ANKRD11: variants seen among roughly 807,000 people sequenced by gnomAD.
The protein encoded by ANKRD11 is ankyrin repeat domain 11.
ANKRD11 carries 17 observed loss-of-function variants against 195.7 expected under a neutral mutation model. The ratio of observed to expected loss-of-function variants is 0.09; its 90% CI spans 0.06 to 0.13. The LOEUF (loss-of-function observed/expected upper bound fraction) is 0.13. ANKRD11 is among the 10% of genes least tolerant of loss of function. The pLI is 1.00. For missense variants in ANKRD11, 3,735 were observed against 3,566.1 expected (o/e 1.05, Z -1.21); for synonymous variants, 1,953 against 1,528.1 (o/e 1.28, Z -6.49).
chr16:89,279,046 G>GT lies in ANKRD11; in HGVS notation c.7470+25dup. On this transcript the variant is annotated intron_variant, in intron 9 of 12. Coordinates refer to ENST00000301030, the MANE Select transcript of ANKRD11 (RefSeq NM_013275.6). This position sits in a 1 kb window ranked among gnomAD's most constrained non-coding sequence, Gnocchi z 5.6. ...AGACGCATCCCAGAGAGAGAAGGCA[G>GT]TGGCTCTCCCGGGCCCCGCACTCAC... The GT allele has an allele frequency of 6.2e-7, 1 of 1,613,098 alleles. No individual in the cohort carries two copies. The highest frequency in any genetic ancestry group is 1.1e-5 in the South Asian group (1 of 90,942).
chr16:89,292,362 G>A (rs2035117203), intron 4 of ANKRD11, among the ~76,000 whole-genome samples: 1 of 152,166 alleles, frequency 6.6e-6, no homozygotes, highest in Admixed American at 6.6e-5. Flanking sequence ...AACACAGAAC[G>A]GTCTTAACTA....
intron 1 of ANKRD11, among the ~76,000 whole-genome samples, chr16:89,473,609 G>C (rs551284075): frequency 9.8e-5 from 15 of 152,372 alleles, no homozygotes; most frequent in African/African-American, 3.6e-4. Context: ...AAATGGAGGA[G>C]AGAGAAGAGA....
chr16:89,319,512 G>C (rs1323314102), intron 2 of ANKRD11, among the ~76,000 whole-genome samples: 1 of 152,228 alleles, frequency 6.6e-6, no homozygotes, highest in South Asian at 2.1e-4. Context: ...CACGATGACA[G>C]CTAAGACCAT....
chr16:89,469,081 A>T (rs567271330), intron 1 of ANKRD11, among the ~76,000 whole-genome samples: 2 of 152,046 alleles, frequency 1.3e-5, no homozygotes, highest in African/African-American at 4.8e-5. Flanking sequence ...AAAAGTGGAC[A>T]CTTTTCAATT....
intron 1 of ANKRD11, among the ~76,000 whole-genome samples, chr16:89,468,878 T>G (rs985381483): frequency 1.3e-5 from 2 of 152,192 alleles, no homozygotes; most frequent in African/African-American, 4.8e-5. Flanking sequence ...TGTCACCAAG[T>G]GGGTTTAACC....
intron 1 of ANKRD11, among the ~76,000 whole-genome samples, chr16:89,436,637 T>C (rs951090225): frequency 2.0e-5 from 3 of 152,212 alleles, no homozygotes; most frequent in African/African-American, 4.8e-5. Context: ...AGAGCTCTTC[T>C]TCCTGGAATA....
At chr16:89,438,189 G>A (rs1429719734) in intron 1 of ANKRD11, among the ~76,000 whole-genome samples, 2 of 152,176 alleles carry the variant, frequency 1.3e-5, no homozygotes, top group Non-Finnish European at 2.9e-5. Flanking sequence ...TGAAGACTAG[G>A]AACAGCTGGC....
At chr16:89,407,454 T>C (rs984560302) in intron 2 of ANKRD11, among the ~76,000 whole-genome samples, 32 of 152,072 alleles carry the variant, frequency 2.1e-4, no homozygotes, top group African/African-American at 6.0e-4. Flanking sequence ...GCAGGGCCCC[T>C]GCCCCAAGCC....
rs2151732691 is a variant in ANKRD11, at chr16:89,279,669, C to G, written c.6873G>C (p.Glu2291Asp). 2 of 1,460,582 alleles carry G rather than the reference C, an allele frequency of 1.4e-6. No homozygotes were observed. The highest frequency in any genetic ancestry group is 1.8e-6 in the Non-Finnish European group (2 of 1,109,952). The allele number at this position is 1,460,582 out of a possible 1,614,324, so 90.5% of individuals were successfully genotyped here. A position where few individuals can be genotyped will look rare whatever the true frequency, so the allele number is the denominator to read the frequency against. ...QAQAADGAGP[E>D]DDTEASRAAA... ...CGGCACGGGAGGCCTCAGTGTCGTC[C>G]TCGGGGCCGGCACCGTCTGCGGCCT... The change falls in exon 9 of 13, where the codon GAG (glutamate) becomes GAC (aspartate). Residue 2291 changes from glutamate (E) to aspartate (D), a missense_variant. Glu to Asp is a conservative substitution (Grantham distance 45, BLOSUM62 2). Coordinates refer to ENST00000301030, the MANE Select transcript of ANKRD11 (RefSeq NM_013275.6). The surrounding 1 kb of genome is among the most constrained non-coding windows in gnomAD (Gnocchi z 5.6).
chr16:89,471,423 A>G (rs2057080436), intron 1 of ANKRD11, among the ~76,000 whole-genome samples: 1 of 152,122 alleles, frequency 6.6e-6, no homozygotes, highest in Non-Finnish European at 1.5e-5. Context: ...GTCCACAGGA[A>G]GTGATTCTCT....
At chr16:89,330,945 T>A (rs898341337) in intron 2 of ANKRD11, among the ~76,000 whole-genome samples, 2 of 152,190 alleles carry the variant, frequency 1.3e-5, no homozygotes, top group African/African-American at 4.8e-5. Flanking sequence ...TGAAAAATAT[T>A]ATAAGCAAAA....
At chr16:89,486,851 A>T (rs1269372358) in intron 1 of ANKRD11, among the ~76,000 whole-genome samples, 1 of 151,172 alleles carries the variant, frequency 6.6e-6, no homozygotes. Context: ...TACTAACAAT[A>T]AAAAAAAATT....
At chr16:89,428,366 A>G (rs954162170) in intron 1 of ANKRD11, among the ~76,000 whole-genome samples, 2 of 151,930 alleles carry the variant, frequency 1.3e-5, no homozygotes, top group African/African-American at 4.8e-5. Context: ...TCTACTAAAA[A>G]TACAAAAAAA....
chr16:89,360,032 C>G (rs1057004140), intron 2 of ANKRD11, among the ~76,000 whole-genome samples: 3 of 152,090 alleles, frequency 2.0e-5, no homozygotes, highest in African/African-American at 7.2e-5. Context: ...CAACAGTTAT[C>G]TTTTCTGCTC....
chr16:89,317,335 C>T (rs1037005615), intron 2 of ANKRD11, among the ~76,000 whole-genome samples: 6 of 152,222 alleles, frequency 3.9e-5, no homozygotes, highest in East Asian at 1.9e-4. Flanking sequence ...CAGAAAGGGA[C>T]GCATGGCCTA....
At chr16:89,359,536 G>A (rs910918371) in intron 2 of ANKRD11, among the ~76,000 whole-genome samples, 1 of 152,168 alleles carries the variant, frequency 6.6e-6, no homozygotes, top group Non-Finnish European at 1.5e-5. Flanking sequence ...CCTTGTTCCG[G>A]CCCTGCAGTC....
intron 1 of ANKRD11, among the ~76,000 whole-genome samples, chr16:89,484,620 G>A (rs1002335162): frequency 6.6e-6 from 1 of 152,100 alleles, no homozygotes; most frequent in Non-Finnish European, 1.5e-5. Context: ...CAAGAAAAGA[G>A]GTTTATTTGC....
chr16:89,395,084 C>T (rs1645119493), intron 2 of ANKRD11, among the ~76,000 whole-genome samples: 1 of 152,182 alleles, frequency 6.6e-6, no homozygotes, highest in East Asian at 1.9e-4. Context: ...AATTATTAAA[C>T]CAAGTGACCA....
Position 89,284,512 on chromosome 16 carries a change from T to C in ANKRD11, c.2030A>G (p.Asp677Gly). Residue 677 changes from aspartate to glycine, a missense_variant, in exon 9 of 13, where the codon GAT becomes GGT. Asp to Gly is a moderately conservative substitution (Grantham distance 94). Transcript: ENST00000301030. ...KSDKAILLENDLSTENKLKVL... is the reference protein window; with the variant it reads ...KSDKAILLENGLSTENKLKVL... ...TTTTAGCTTGTTTTCAGTGGAAAGA[T>C]CATTCTCTAACAGTATAGCCTTATC... 3.1e-6 allele frequency: 5 copies of C among 1,614,196 alleles called. No homozygotes were observed. The highest frequency in any genetic ancestry group is 4.2e-6 in the Non-Finnish European group (5 of 1,180,046).
Sources: allele counts gnomAD v4.1 joint callset (sites outside exome capture counted in the v4.1 genomes callset), GRCh38; gene constraint gnomAD v4.1.1; non-coding constraint Gnocchi (gnomAD v3.1); transcripts MANE v1.5; gene names NCBI Gene and HGNC (gene_info 2026-07-23, HGNC 2026-07-21).